The following ASTN2 variants were observed in gnomAD, a reference collection of about 807,000 sequenced individuals.
The protein encoded by ASTN2 is astrotactin 2, also known as astrotactin-2.
Under a neutral mutation model 139.8 loss-of-function variants are expected in ASTN2, and 54 were observed. The ratio of observed to expected loss-of-function variants is 0.39; its 90% confidence interval spans 0.31 to 0.48. The LOEUF (loss-of-function observed/expected upper bound fraction) is 0.48, where lower values mean the gene tolerates loss of function less well. Ranked by LOEUF, ASTN2 falls within the 20% of genes least tolerant of loss-of-function variation. The pLI, the probability that ASTN2 is intolerant of heterozygous loss-of-function variation, is 0.95. For synonymous variants in ASTN2, 756 were observed against 719.5 expected (o/e 1.05, Z -0.81); for missense variants, 1,565 against 1,725.1 (o/e 0.91, Z 1.64).
At chr9:116,975,399 G>A in intron 9 of ASTN2, 54 bp from the exon 10 acceptor site, 2 of 1,509,180 alleles carry the variant, frequency 1.3e-6, no homozygotes, top group Admixed American at 2.2e-5. Flanking sequence ...AGAGCAAACA[G>A]AAAAAAGGGG....
At chr9:116,482,741 A>C (rs1849213607) in intron 20 of ASTN2, among the ~76,000 whole-genome samples, 1 of 152,118 alleles carries the variant, frequency 6.6e-6, no homozygotes, top group Admixed American at 6.5e-5. Flanking sequence ...CACCCCGCTA[A>C]GATAGAGCCT....
At position 117,067,243 on chromosome 9, in the gene ASTN2, G is replaced by A. The variant is rs1230791307; in HGVS notation, c.1277-27278C>T. Among the ~76,000 whole-genome samples, 40 of 116,884 alleles carry A rather than the reference G, an allele frequency of 3.4e-4. 1 individual carries two copies. In the East Asian group the frequency reaches 7.6e-3, roughly 22 times the overall value. The allele number at this position is 116,884 out of a possible 152,430, so 76.7% of individuals were successfully genotyped here. A position where few individuals can be genotyped will look rare whatever the true frequency, so the allele number is the denominator to read the frequency against. On this transcript the variant is annotated intron_variant, in intron 5 of 22. Transcript: ENST00000313400. ...TACATATGGCTAGCCAGTTTTCCCA[G>A]CACCATTTATTAAATAGGGAATCCT...
rs2132246653 is a variant in ASTN2, at chr9:116,805,637, G to A, written c.2391C>T (p.Thr797=). The change falls in exon 13 of 23, where the codon ACC becomes ACT. Residue 797 remains threonine (T), a synonymous_variant. Coordinates refer to ENST00000313400, the MANE Select transcript of ASTN2 (RefSeq NM_001365068.1). ...TGCAAGTATCTACAGCATACCTAAA[G>A]GTCATCTGGAAGACTTGGCCTTGGT... ...HVNQGQVFQM[T]FRENNFIKDF... 1 of 1,613,690 alleles carries A rather than the reference G, an allele frequency of 6.2e-7. No homozygotes were observed. Among genetic ancestry groups the A allele is most frequent in the Non-Finnish European group, 8.5e-7 (1 of 1,179,716 alleles).
chr9:117,171,741 A>G (rs2132926448), intron 3 of ASTN2, among the ~76,000 whole-genome samples: 1 of 152,184 alleles, frequency 6.6e-6, no homozygotes, highest in East Asian at 1.9e-4. Context: ...ACCTTCGGCC[A>G]TAATTGTAAG....
chr9:116,488,279 A>G (rs1179419109), intron 19 of ASTN2, among the ~76,000 whole-genome samples: 1 of 152,238 alleles, frequency 6.6e-6, no homozygotes, highest in African/African-American at 2.4e-5. Flanking sequence ...AAAGAAAACT[A>G]GAAAGAATAA....
intron 3 of ASTN2, among the ~76,000 whole-genome samples, chr9:117,154,600 A>G (rs1830393467): frequency 1.3e-5 from 2 of 152,086 alleles, no homozygotes; most frequent in South Asian, 4.1e-4. Flanking sequence ...TTATCACTTC[A>G]TTTTTACTAG....
intron 14 of ASTN2, among the ~76,000 whole-genome samples, chr9:116,732,655 G>A (rs1159492119): frequency 6.6e-6 from 1 of 152,084 alleles, no homozygotes; most frequent in Non-Finnish European, 1.5e-5. Flanking sequence ...GGAACTGGGA[G>A]CAAAAAAAGA....
intron 16 of ASTN2, 61 bp from the exon 17 acceptor site, chr9:116,651,854 C>A (rs1857934942): frequency 1.3e-6 from 2 of 1,562,962 alleles, no homozygotes; most frequent in Admixed American, 3.6e-5. Context: ...AAAGGCCAGA[C>A]TCTTGAATTC....
intron 3 of ASTN2, among the ~76,000 whole-genome samples, chr9:117,199,859 G>A (rs779437326): frequency 4.0e-5 from 6 of 151,890 alleles, no homozygotes; most frequent in African/African-American, 1.4e-4. Flanking sequence ...CTTCTTAGCT[G>A]TATTCCTAGG....
intron 1 of ASTN2, among the ~76,000 whole-genome samples, chr9:117,298,156 T>A (rs1357217915): frequency 1.3e-5 from 2 of 152,230 alleles, no homozygotes; most frequent in African/African-American, 2.4e-5. Flanking sequence ...AAACCTAATT[T>A]ATTGAACCAG....
chr9:116,567,250 G>A (rs1436198470), intron 19 of ASTN2, among the ~76,000 whole-genome samples: 2 of 152,196 alleles, frequency 1.3e-5, no homozygotes, highest in Non-Finnish European at 2.9e-5. Flanking sequence ...TTACCTGAAC[G>A]TGGACTTGGG....
intron 19 of ASTN2, among the ~76,000 whole-genome samples, chr9:116,517,534 A>T (rs750280077): frequency 9.9e-5 from 15 of 152,212 alleles, no homozygotes; most frequent in African/African-American, 1.4e-4. Flanking sequence ...CTTCCCTCTG[A>T]CATAGTCTAC....
intron 20 of ASTN2, 30 bp from the exon 21 acceptor site, chr9:116,442,583 G>A (rs780120413): frequency 4.4e-6 from 7 of 1,590,690 alleles, no homozygotes; most frequent in Non-Finnish European, 6.0e-6. Flanking sequence ...CAGAGCACCA[G>A]GCTGTGACTT....
intron 10 of ASTN2, among the ~76,000 whole-genome samples, chr9:116,913,127 C>A (rs990448608): frequency 6.6e-6 from 1 of 152,172 alleles, no homozygotes; most frequent in Non-Finnish European, 1.5e-5. Flanking sequence ...TGGTTTTGAA[C>A]TCCTGACCTC....
chr9:116,524,557 G>C (rs541894498), intron 19 of ASTN2, among the ~76,000 whole-genome samples: 4 of 152,134 alleles, frequency 2.6e-5, no homozygotes, highest in Non-Finnish European at 4.4e-5. Context: ...GCTCTGAGTT[G>C]AATGACCCTT....
rs7036098 is a variant in ASTN2, at chr9:117,008,272, G to A, written c.1424-13C>T. 0.99 allele frequency: 1,567,627 copies of A among 1,577,542 alleles called. 779,260 individuals are homozygous for A. The highest frequency in any genetic ancestry group is 1 in the East Asian group (42,854 of 42,854). ...ACGAAGCTGCTTCCTATGGGTGAAC[G>A]GAGAGACAGATACTTTCTTACTGAT... is the stretch of plus-strand genomic sequence containing the variant. On this transcript the variant is annotated splice_polypyrimidine_tract_variant and intron_variant, in intron 6 of 22. Transcript: ENST00000313400.
At chr9:116,573,683 G>C (rs912051534) in intron 19 of ASTN2, among the ~76,000 whole-genome samples, 12 of 152,144 alleles carry the variant, frequency 7.9e-5, no homozygotes, top group Admixed American at 4.6e-4. Context: ...TTTGGATCTT[G>C]TACTAACCTA....
At chr9:117,022,461 AAC>A (rs1401202224) in intron 6 of ASTN2, among the ~76,000 whole-genome samples, 66 of 152,036 alleles carry the variant, frequency 4.3e-4, no homozygotes, top group African/African-American at 1.5e-3. Flanking sequence ...AAAACAAAAA[AAC>A]AAAAAACAAA....
chr9:116,507,442 G>C (rs545918252), intron 19 of ASTN2, among the ~76,000 whole-genome samples: 1 of 152,234 alleles, frequency 6.6e-6, no homozygotes, highest in South Asian at 2.1e-4. Context: ...ACTTTCTACT[G>C]AACTAGAAAG....
Sources: gnomAD v4.1 joint callset for allele counts (sites outside exome capture counted in the v4.1 genomes callset) on GRCh38, gnomAD v4.1.1 for gene constraint, MANE v1.5 for transcripts, NCBI Gene and HGNC (gene_info 2026-07-23, HGNC 2026-07-21) for gene names.